The following ZMYM4 variants were observed in gnomAD, a reference collection of about 807,000 sequenced individuals.
ZMYM4 encodes zinc finger MYM-type containing 4.
Under a neutral mutation model 183.2 loss-of-function variants are expected in ZMYM4, and 31 were observed. That is an observed-to-expected ratio of 0.17 (90% CI 0.13 to 0.23). The LOEUF (loss-of-function observed/expected upper bound fraction) is 0.23. ZMYM4 is among the 10% of genes least tolerant of loss of function. The pLI is 1.00. For missense variants in ZMYM4, 1,273 were observed against 1,840.3 expected (o/e 0.69, Z 5.64); for synonymous variants, 592 against 631.2 (o/e 0.94, Z 0.93).
At chr1:35,341,256 C>A (rs1420832330) in intron 2 of ZMYM4, among the ~76,000 whole-genome samples, 1 of 151,986 alleles carries the variant, frequency 6.6e-6, no homozygotes, top group Non-Finnish European at 1.5e-5. Context: ...TAAATTTTAA[C>A]ATGATTTTAT....
intron 1 of ZMYM4, among the ~76,000 whole-genome samples, chr1:35,289,379 A>G (rs954529662): frequency 2.6e-5 from 4 of 152,180 alleles, no homozygotes; most frequent in African/African-American, 4.8e-5. Context: ...GGTACAGTCA[A>G]TAGGACTTGT....
rs1204394883 is a variant in ZMYM4, at chr1:35,419,416, ACT to A, written c.4440-49_4440-48del. ...CTTAAGAATAGTACATATTTCCTAT[ACT>A]CTCTGATTTCTAATTTTCTTTTTTC... On this transcript the variant is annotated intron_variant, in intron 29 of 29. Coordinates refer to ENST00000314607, the MANE Select transcript of ZMYM4 (RefSeq NM_005095.3). The A allele has an allele frequency of 5.1e-6, 8 of 1,576,238 alleles. No homozygotes were observed. In the East Asian group the frequency reaches 1.6e-4, roughly 31 times the overall value.
chr1:35,341,353 T>C (rs889377845), intron 2 of ZMYM4, among the ~76,000 whole-genome samples: 15 of 152,138 alleles, frequency 9.9e-5, no homozygotes, highest in African/African-American at 3.6e-4. Flanking sequence ...ATATTTTTAT[T>C]ATGTATTTGT....
Position 35,268,985 on chromosome 1 carries a change from G to C in ZMYM4, c.-62G>C. On this transcript the variant is annotated 5_prime_UTR_variant, in exon 1 of 30. Coordinates refer to ENST00000314607, the MANE Select transcript of ZMYM4 (RefSeq NM_005095.3). The stretch of plus-strand genomic sequence containing the variant: ...TGCCTGCAGTGTGGGCGGGGGCCGG[G>C]GGGCCGAGAGGTACCGCCGCCACCG... 6.7e-7 allele frequency: 1 copy of C among 1,489,086 alleles called. No homozygotes were observed. The highest frequency in any genetic ancestry group is 8.9e-7 in the Non-Finnish European group (1 of 1,118,470). 92.2% of individuals were successfully genotyped at this position (1,489,086 alleles called of 1,614,324 possible).
chr1:35,345,188 T>C (rs1014045307), intron 2 of ZMYM4, among the ~76,000 whole-genome samples: 2 of 152,210 alleles, frequency 1.3e-5, no homozygotes, highest in Non-Finnish European at 2.9e-5. Flanking sequence ...TTGGCTAAGA[T>C]CAAGTGTAAT....
intron 5 of ZMYM4, among the ~76,000 whole-genome samples, chr1:35,367,457 A>T (rs1644113078): frequency 6.6e-6 from 1 of 151,844 alleles, no homozygotes; most frequent in African/African-American, 2.4e-5. Flanking sequence ...TCAGACTCCT[A>T]ACCTCAGGTG....
chr1:35,277,872 A>G (rs1639950036), intron 1 of ZMYM4, among the ~76,000 whole-genome samples: 1 of 152,264 alleles, frequency 6.6e-6, no homozygotes, highest in East Asian at 1.9e-4. Context: ...GTTTTACCAT[A>G]TGTGATACAT....
intron 23 of ZMYM4, among the ~76,000 whole-genome samples, chr1:35,403,997 G>C (rs1644958823): frequency 1.3e-5 from 2 of 152,178 alleles, no homozygotes; most frequent in Admixed American, 1.3e-4. Flanking sequence ...GCCTCCCAAA[G>C]TGTTGGGATT....
intron 15 of ZMYM4, among the ~76,000 whole-genome samples, chr1:35,391,048 A>T (rs889191918): frequency 6.6e-6 from 1 of 152,182 alleles, no homozygotes; most frequent in South Asian, 2.1e-4. Context: ...AATTAAAATA[A>T]AATAAAACTA....
chr1:35,340,054 G>A (rs970689902), intron 2 of ZMYM4, among the ~76,000 whole-genome samples: 20 of 152,184 alleles, frequency 1.3e-4, no homozygotes, highest in African/African-American at 4.6e-4. Flanking sequence ...CTTCAGGAAT[G>A]TTTTGCCTAT....
chr1:35,354,481 T>C (rs1481414854), intron 2 of ZMYM4, among the ~76,000 whole-genome samples: 1 of 152,134 alleles, frequency 6.6e-6, no homozygotes, highest in Admixed American at 6.5e-5. Context: ...ATCCCAGCAC[T>C]TTGGGAGGCC....
At chr1:35,366,581 C>A (rs1290319084) in intron 5 of ZMYM4, among the ~76,000 whole-genome samples, 1 of 152,044 alleles carries the variant, frequency 6.6e-6, no homozygotes, top group Non-Finnish European at 1.5e-5. Flanking sequence ...AAATAAACTT[C>A]CCAGTTAGAT....
chr1:35,301,752 G>C (rs1210646460), intron 1 of ZMYM4, among the ~76,000 whole-genome samples: 1 of 152,080 alleles, frequency 6.6e-6, no homozygotes. Context: ...GAACTTCTCA[G>C]TGTATCTCTC....
At chr1:35,281,676 AT>A (rs1226910476) in intron 1 of ZMYM4, among the ~76,000 whole-genome samples, 6 of 150,206 alleles carry the variant, frequency 4.0e-5, no homozygotes, top group Non-Finnish European at 5.9e-5. Context: ...ATATATATAT[AT>A]ATAATATAAC....
chr1:35,353,355 TC>T (rs1249428913), intron 2 of ZMYM4, among the ~76,000 whole-genome samples: 1 of 152,236 alleles, frequency 6.6e-6, no homozygotes, highest in Non-Finnish European at 1.5e-5. Flanking sequence ...GAATGTATGA[TC>T]CTTGTAAAAC....
chr1:35,378,761 T>C (rs1485006023), intron 7 of ZMYM4, among the ~76,000 whole-genome samples: 3 of 152,224 alleles, frequency 2.0e-5, no homozygotes, highest in East Asian at 3.8e-4. Context: ...AATAGAAGAC[T>C]GTTTCTTCTA....
chr1:35,414,059 T>A lies in ZMYM4; in HGVS notation c.4036T>A (p.Trp1346Arg). 6.3e-7 allele frequency: 1 copy of A among 1,581,866 alleles called. No homozygotes were observed. The highest frequency in any genetic ancestry group is 1.2e-5 in the South Asian group (1 of 84,694). Residue 1346 changes from tryptophan (W) to arginine (R), a missense_variant, in exon 27 of 30, where the codon TGG becomes AGG. Trp to Arg is a moderately radical substitution (Grantham distance 101, BLOSUM62 -3). This residue lies in a region of ZMYM4 where 145 missense variants were observed against 331.6 expected (regional missense o/e 0.44). Coordinates refer to ENST00000314607, the MANE Select transcript of ZMYM4 (RefSeq NM_005095.3). ...TGAACTTACCAAACTCTTGAAAATATGGGAACCTACAATACTTCCTAATGG... is the reference window on the plus strand; with the variant it reads ...TGAACTTACCAAACTCTTGAAAATAAGGGAACCTACAATACTTCCTAATGG... ...MIELTKLLKIWEPTILPNGYM... is the reference protein window; with the variant it reads ...MIELTKLLKIREPTILPNGYM...
At chr1:35,416,120 T>A (rs1558206672) in intron 28 of ZMYM4, among the ~76,000 whole-genome samples, 1 of 152,194 alleles carries the variant, frequency 6.6e-6, no homozygotes, top group African/African-American at 2.4e-5. Flanking sequence ...CCCCTCTTTT[T>A]AGTTAACATT....
intron 1 of ZMYM4, among the ~76,000 whole-genome samples, chr1:35,292,021 A>G (rs1003081702): frequency 6.6e-6 from 1 of 152,150 alleles, no homozygotes; most frequent in Non-Finnish European, 1.5e-5. Context: ...GCAAGTAAAG[A>G]CTATTCTAAA....
Sources: gnomAD v4.1 joint callset for allele counts (sites outside exome capture counted in the v4.1 genomes callset) on GRCh38, gnomAD v4.1.1 for gene constraint, gnomAD v4.1.1 regional missense constraint, MANE v1.5 for transcripts, NCBI Gene and HGNC (gene_info 2026-07-23, HGNC 2026-07-21) for gene names.